The following TAFA2 variants were observed in gnomAD, a reference collection of about 807,000 sequenced individuals.
The protein encoded by TAFA2 is chemokine-like protein TAFA-2.
TAFA2 carries 7 observed loss-of-function variants against 18.8 expected under a neutral mutation model. The observed-to-expected ratio is 0.37, with a 90% confidence interval of 0.21 to 0.70. The LOEUF (loss-of-function observed/expected upper bound fraction) is 0.70. TAFA2 is among the 30% of genes least tolerant of loss of function. The pLI is 0.53. For synonymous variants in TAFA2, 60 were observed against 54.2 expected (o/e 1.11, Z -0.47); for missense variants, 122 against 158.1 (o/e 0.77, Z 1.23).
intron 4 of TAFA2, among the ~76,000 whole-genome samples, chr12:61,721,566 A>T (rs1297112508): frequency 6.6e-6 from 1 of 152,174 alleles, no homozygotes; most frequent in Non-Finnish European, 1.5e-5. Flanking sequence ...CTCTCTAATC[A>T]TTATTAATTA....
chr12:62,083,036 A>G lies in TAFA2; in HGVS notation c.-2+108223T>C, dbSNP rs554852829. 9.2e-5 allele frequency among the ~76,000 whole-genome samples: 14 copies of G among 152,294 alleles called. No individual in the cohort carries two copies. The South Asian group carries it at 2.9e-3, about 32-fold the overall frequency. On this transcript the variant is annotated intron_variant, in intron 1 of 4. Transcript: ENST00000416284. ...ACTTGCCCAAGATCACACAGCCAGTAAAAGCCAAGATCTAAATCCCCAGTA... is the reference window on the plus strand; with the variant it reads ...ACTTGCCCAAGATCACACAGCCAGTGAAAGCCAAGATCTAAATCCCCAGTA...
At chr12:61,838,345 C>T (rs770222753) in intron 2 of TAFA2, among the ~76,000 whole-genome samples, 2 of 151,948 alleles carry the variant, frequency 1.3e-5, no homozygotes, top group Non-Finnish European at 2.9e-5. Context: ...CAATAAATCC[C>T]GCTTTTCCCA....
chr12:61,813,647 C>T (rs1484439463), intron 2 of TAFA2, among the ~76,000 whole-genome samples: 2 of 151,396 alleles, frequency 1.3e-5, no homozygotes, highest in African/African-American at 4.9e-5. Flanking sequence ...ATATATTCTT[C>T]ATGTTTATTT....
intron 1 of TAFA2, among the ~76,000 whole-genome samples, chr12:62,126,187 G>T (rs73125820): frequency 6.6e-6 from 1 of 151,854 alleles, no homozygotes; most frequent in African/African-American, 2.4e-5. Context: ...TTCTCTACTC[G>T]CTGACAAGCA....
chr12:62,059,172 T>G (rs1882278638), intron 1 of TAFA2, among the ~76,000 whole-genome samples: 1 of 151,376 alleles, frequency 6.6e-6, no homozygotes, highest in African/African-American at 2.4e-5. Flanking sequence ...TGTGTGTGTA[T>G]CTGAGTGTTC....
chr12:61,727,212 G>T (rs992579381), intron 4 of TAFA2, among the ~76,000 whole-genome samples: 5 of 151,826 alleles, frequency 3.3e-5, no homozygotes, highest in Admixed American at 2.0e-4. Flanking sequence ...ATCTGGTTTT[G>T]AAATTAAGGT....
intron 1 of TAFA2, chr12:61,880,645 C>T (rs536417760): frequency 8.2e-6 from 3 of 365,920 alleles, no homozygotes; most frequent in African/African-American, 6.4e-5. Flanking sequence ...GGCCTGAGCT[C>T]TAGCTTTGGC....
chr12:62,036,522 A>G (rs1341000351), intron 1 of TAFA2, among the ~76,000 whole-genome samples: 4 of 152,196 alleles, frequency 2.6e-5, no homozygotes, highest in Non-Finnish European at 5.9e-5. Flanking sequence ...ATCTGAAGTT[A>G]GACTTTAGGG....
At chr12:62,022,504 T>C (rs1881176986) in intron 1 of TAFA2, among the ~76,000 whole-genome samples, 1 of 152,192 alleles carries the variant, frequency 6.6e-6, no homozygotes, top group South Asian at 2.1e-4. Context: ...ATAACAATAA[T>C]AGCTAGTACT....
At chr12:61,844,395 T>C (rs1873316302) in intron 2 of TAFA2, among the ~76,000 whole-genome samples, 1 of 152,122 alleles carries the variant, frequency 6.6e-6, no homozygotes, top group Non-Finnish European at 1.5e-5. Flanking sequence ...GAGTCATTTG[T>C]CAAAATAGAA....
In TAFA2 at chr12:62,003,225, C is replaced by G. The variant is rs367791141; in HGVS notation, c.-1-135799G>C. Among the ~76,000 whole-genome samples the G allele has an allele frequency of 2.6e-5, 4 of 152,122 alleles. No homozygotes were observed. In the East Asian group the frequency reaches 7.7e-4, roughly 29 times the overall value. ...AATATGGACCTGTCATTCACCTATT[C>G]AATACTCTCAAGTGGCTTCCATCTC... On this transcript the variant is annotated intron_variant, in intron 1 of 4. Transcript: ENST00000416284.
intron 1 of TAFA2, among the ~76,000 whole-genome samples, chr12:61,925,922 TG>T (rs1310660434): frequency 6.6e-6 from 1 of 152,044 alleles, no homozygotes; most frequent in Admixed American, 6.6e-5. Flanking sequence ...GCTGGTTTTT[TG>T]AAAAGATTAA....
At chr12:62,083,946 T>C (rs2136823844) in intron 1 of TAFA2, among the ~76,000 whole-genome samples, 1 of 152,310 alleles carries the variant, frequency 6.6e-6, no homozygotes, top group South Asian at 2.1e-4. Flanking sequence ...TCATTGTATG[T>C]GTGCTTGAGT....
chr12:61,920,894 C>G (rs922349732), intron 1 of TAFA2, among the ~76,000 whole-genome samples: 11 of 151,664 alleles, frequency 7.3e-5, no homozygotes, highest in African/African-American at 2.7e-4. Context: ...CAAAGAAGCC[C>G]TTATGGAAGA....
At chr12:62,235,179 TA>T in intron 1 of TAFA2, 1 of 666,818 alleles carries the variant, frequency 1.5e-6, no homozygotes. Context: ...TCCCTGACAG[TA>T]AATCATCCGG....
At chr12:61,738,814 CTT>C (rs1868352531) in intron 4 of TAFA2, among the ~76,000 whole-genome samples, 1 of 152,054 alleles carries the variant, frequency 6.6e-6, no homozygotes, top group East Asian at 1.9e-4. Flanking sequence ...TGAATTTGTG[CTT>C]TCTCTTCAAA....
intron 4 of TAFA2, among the ~76,000 whole-genome samples, chr12:61,723,463 T>C (rs1565750434): frequency 6.6e-6 from 1 of 152,076 alleles, no homozygotes; most frequent in Non-Finnish European, 1.5e-5. Context: ...AGAATCGATA[T>C]TTGGATTCTC....
chr12:61,918,644 TG>T (rs1169003411), intron 1 of TAFA2, among the ~76,000 whole-genome samples: 1 of 152,214 alleles, frequency 6.6e-6, no homozygotes, highest in Non-Finnish European at 1.5e-5. Flanking sequence ...TTTGATATAT[TG>T]ACTACCTTTA....
chr12:61,933,002 G>A (rs915831645), intron 1 of TAFA2, among the ~76,000 whole-genome samples: 2 of 152,140 alleles, frequency 1.3e-5, no homozygotes, highest in African/African-American at 4.8e-5. Context: ...CTAGGTTAAA[G>A]GCAACATGAA....
Sources: allele counts gnomAD v4.1 joint callset (sites outside exome capture counted in the v4.1 genomes callset), GRCh38; gene constraint gnomAD v4.1.1; transcripts MANE v1.5; gene names NCBI Gene and HGNC (gene_info 2026-07-23, HGNC 2026-07-21).